The following RGS12 variants were observed in gnomAD, a reference collection of about 807,000 sequenced individuals.
The protein encoded by RGS12 is regulator of G-protein signaling 12.
In RGS12, 66 loss-of-function variants were observed where a neutral mutation model predicts 120.1. The observed-to-expected ratio is 0.55, with a 90% CI of 0.45 to 0.67. The LOEUF (loss-of-function observed/expected upper bound fraction) is 0.67, where lower values mean the gene tolerates loss of function less well. Among genes scored for constraint, RGS12 ranks in the 30% least tolerant of loss-of-function variants. The probability of loss-of-function intolerance (pLI) is 0.00; values close to 1 mark genes in which losing one functional copy is unlikely to be tolerated. For missense variants in RGS12, 1,859 were observed against 1,957.7 expected, an observed-to-expected ratio of 0.95 and a Z score of 0.95; for synonymous variants, 827 against 804.7, an observed-to-expected ratio of 1.03 and a Z score of -0.47.
rs561441862 is a variant in RGS12, at chr4:3,317,731, C to A, written c.1561C>A (p.Pro521Thr). ...AGCTTCCTTGAGGAGCTCAGTCCCC[C>A]CTTCCAAGAGGGGCACCGTGGGTGC... ...PPASLRSSVP[P>T]SKRGTVGAGC... The change falls in exon 2 of 18, where the codon CCT (proline) becomes ACT (threonine). Residue 521 changes from proline (P) to threonine (T), a missense_variant. This residue lies in a region of RGS12 where 967 missense variants were observed against 994.2 expected (regional missense o/e 0.97). Coordinates refer to ENST00000336727, the MANE Select transcript of RGS12 (RefSeq NM_001394154.1). 1.4e-5 allele frequency: 22 copies of A among 1,613,458 alleles called. No individual in the cohort carries two copies. The highest frequency in any genetic ancestry group is 5.3e-5 in the African/African-American group (4 of 74,960).
At chr4:3,338,984 A>G (rs770502141) in intron 2 of RGS12, among the ~76,000 whole-genome samples, 2 of 152,212 alleles carry the variant, frequency 1.3e-5, no homozygotes, top group Admixed American at 6.5e-5. Flanking sequence ...GGAAGTTGTC[A>G]CATCTGTTAC....
chr4:3,326,784 T>C (rs1440113345), intron 2 of RGS12, among the ~76,000 whole-genome samples: 3 of 152,150 alleles, frequency 2.0e-5, no homozygotes, highest in African/African-American at 7.2e-5. Flanking sequence ...CAAGGAAAAC[T>C]ACAAAATACT....
intron 2 of RGS12, among the ~76,000 whole-genome samples, chr4:3,337,096 A>G (rs973069119): frequency 1.3e-5 from 2 of 152,252 alleles, no homozygotes; most frequent in African/African-American, 4.8e-5. Flanking sequence ...GGCACGTGGA[A>G]AGATGCCCAA....
At chr4:3,308,750 C>T (rs556273918) in intron 1 of RGS12, among the ~76,000 whole-genome samples, 1 of 152,220 alleles carries the variant, frequency 6.6e-6, no homozygotes, top group African/African-American at 2.4e-5. Flanking sequence ...CCTTTGCATT[C>T]GAAGATTCTT....
At chr4:3,384,124 CT>C (rs1718559304) in intron 3 of RGS12, among the ~76,000 whole-genome samples, 1 of 152,112 alleles carries the variant, frequency 6.6e-6, no homozygotes, top group Non-Finnish European at 1.5e-5. Context: ...GGATTTTCTT[CT>C]CATAATCTCA....
chr4:3,431,815 C>T, intron 17 of RGS12: 1 of 985,674 alleles, frequency 1.0e-6, no homozygotes, highest in South Asian at 4.7e-5. Flanking sequence ...GAGCGCCTCT[C>T]CGTCCTGTGC....
chr4:3,401,188 G>A (rs1720543111), intron 4 of RGS12, among the ~76,000 whole-genome samples: 2 of 152,244 alleles, frequency 1.3e-5, no homozygotes, highest in Admixed American at 6.5e-5. Flanking sequence ...TTAAAAATTC[G>A]ACAGACCAAC....
At chr4:3,380,795 A>G (rs1432453005) in intron 3 of RGS12, among the ~76,000 whole-genome samples, 2 of 151,992 alleles carry the variant, frequency 1.3e-5, no homozygotes, top group Non-Finnish European at 2.9e-5. Flanking sequence ...CCAGGAAACA[A>G]TTTTTCCCTC....
At chr4:3,307,979 C>T (rs1381443083) in intron 1 of RGS12, among the ~76,000 whole-genome samples, 1 of 152,222 alleles carries the variant, frequency 6.6e-6, no homozygotes, top group African/African-American at 2.4e-5. Context: ...TGACTGGGGG[C>T]GCCTGGGCAG....
At chr4:3,344,768 C>T (rs1032522250) in intron 3 of RGS12, among the ~76,000 whole-genome samples, 1 of 152,196 alleles carries the variant, frequency 6.6e-6, no homozygotes, top group Non-Finnish European at 1.5e-5. Context: ...GCTTGTGGTC[C>T]CTGCTGTCTT....
intron 1 of RGS12, among the ~76,000 whole-genome samples, chr4:3,294,556 C>G (rs892878847): frequency 6.6e-6 from 1 of 152,204 alleles, no homozygotes; most frequent in African/African-American, 2.4e-5. Context: ...ATCCGGTGCC[C>G]GGGCCCTGCG....
intron 2 of RGS12, among the ~76,000 whole-genome samples, chr4:3,331,164 A>G (rs1451515492): frequency 2.0e-5 from 3 of 152,184 alleles, no homozygotes; most frequent in African/African-American, 4.8e-5. Context: ...AAAAACACAT[A>G]TATTTAATAT....
chr4:3,310,631 G>A (rs1027113105), intron 1 of RGS12, among the ~76,000 whole-genome samples: 4 of 152,146 alleles, frequency 2.6e-5, no homozygotes, highest in African/African-American at 9.7e-5. Flanking sequence ...TGGCCAGTGC[G>A]GGTCTGCATG....
intron 4 of RGS12, among the ~76,000 whole-genome samples, chr4:3,393,294 G>C (rs953874593): frequency 9.2e-5 from 14 of 152,226 alleles, no homozygotes; most frequent in Admixed American, 5.9e-4. Flanking sequence ...TCTGGCAGCT[G>C]TTCCCGCCGC....
At chr4:3,307,711 C>G (rs1255236058) in intron 1 of RGS12, among the ~76,000 whole-genome samples, 1 of 152,224 alleles carries the variant, frequency 6.6e-6, no homozygotes, top group Non-Finnish European at 1.5e-5. Flanking sequence ...CTGTGCCTGG[C>G]ATGGAGAGAG....
At chr4:3,386,375 T>C (rs753363651) in intron 3 of RGS12, 41 bp from the exon 4 acceptor site, 38 of 1,600,938 alleles carry the variant, frequency 2.4e-5, no homozygotes, top group Non-Finnish European at 3.2e-5. Context: ...AGTTTTGTCA[T>C]GAGGCTTAAT....
At chr4:3,438,396 G>A (rs923567483) in intron 17 of RGS12, among the ~76,000 whole-genome samples, 5 of 151,884 alleles carry the variant, frequency 3.3e-5, no homozygotes, top group East Asian at 3.9e-4. Context: ...TGGGCGGGTC[G>A]GCAACGTCAC....
At chr4:3,367,222 A>G (rs1716405419) in intron 3 of RGS12, among the ~76,000 whole-genome samples, 1 of 152,200 alleles carries the variant, frequency 6.6e-6, no homozygotes, top group Non-Finnish European at 1.5e-5. Flanking sequence ...TCACATGCCC[A>G]CTTGCCGAGC....
intron 1 of RGS12, among the ~76,000 whole-genome samples, chr4:3,304,951 G>T (rs1287757748): frequency 6.6e-6 from 1 of 152,232 alleles, no homozygotes; most frequent in African/African-American, 2.4e-5. Context: ...TGATCAAGGC[G>T]TTGGCCAGGG....
Sources: gnomAD v4.1 joint callset for allele counts (sites outside exome capture counted in the v4.1 genomes callset) on GRCh38, gnomAD v4.1.1 for gene constraint, gnomAD v4.1.1 regional missense constraint, MANE v1.5 for transcripts, NCBI Gene and HGNC (gene_info 2026-07-23, HGNC 2026-07-21) for gene names.